Variants in ARHGAP21 observed in about 807,000 individuals in gnomAD.
ARHGAP21 encodes the protein rho GTPase-activating protein 21.
Under a neutral mutation model 164.6 loss-of-function variants are expected in ARHGAP21, and 38 were observed. The ratio of observed to expected loss-of-function variants is 0.23; its 90% CI spans 0.18 to 0.30. The LOEUF (loss-of-function observed/expected upper bound fraction) is 0.30, where lower values mean the gene tolerates loss of function less well. ARHGAP21 is among the 10% of genes least tolerant of loss of function. ARHGAP21 has a pLI of 1.00. For missense variants in ARHGAP21, 1,822 were observed against 2,370.7 expected, an observed-to-expected ratio of 0.77 and a Z score of 4.81; for synonymous variants, 766 against 857.9, an observed-to-expected ratio of 0.89 and a Z score of 1.87.
chr10:24,618,104 C>T (rs1296456669), intron 9 of ARHGAP21, among the ~76,000 whole-genome samples: 2 of 152,140 alleles, frequency 1.3e-5, no homozygotes, highest in Non-Finnish European at 2.9e-5. Context: ...CCTTAAATTT[C>T]TCACTTATAA....
chr10:24,656,529 C>T (rs1838972047), intron 4 of ARHGAP21, among the ~76,000 whole-genome samples: 2 of 93,778 alleles, frequency 2.1e-5, no homozygotes, highest in South Asian at 4.1e-4. Context: ...GGGGGTCAGC[C>T]CCCCGCCCGG....
intron 4 of ARHGAP21, among the ~76,000 whole-genome samples, chr10:24,664,394 A>C (rs569433595): frequency 6.6e-6 from 1 of 152,132 alleles, no homozygotes; most frequent in East Asian, 1.9e-4. Context: ...GTTTCTACTA[A>C]AAATACAAAA....
chr10:24,605,203 CAG>C (rs1186739026), intron 11 of ARHGAP21, among the ~76,000 whole-genome samples: 2 of 152,112 alleles, frequency 1.3e-5, no homozygotes, highest in Admixed American at 1.3e-4. Flanking sequence ...GAAGAAAGAA[CAG>C]GGCACCGATC....
chr10:24,721,986 G>C lies in ARHGAP21; in HGVS notation c.-87C>G. 2.8e-6 allele frequency: 4 copies of C among 1,411,492 alleles called. No individual in the cohort carries two copies. The highest frequency in any genetic ancestry group is 4.0e-6 in the Non-Finnish European group (4 of 1,006,960). The allele number at this position is 1,411,492 out of a possible 1,614,324, so 87.4% of individuals were successfully genotyped here. A position where few individuals can be genotyped will look rare whatever the true frequency, so the allele number is the denominator to read the frequency against. On this transcript the variant is annotated 5_prime_UTR_variant, in exon 2 of 26. Coordinates refer to ENST00000396432, the MANE Select transcript of ARHGAP21 (RefSeq NM_020824.4). ...ATGCCACCACACACCCGAAGGGGAA[G>C]AATTCCACAAGCAGGCTCCGAGGAG... is the stretch of plus-strand genomic sequence containing the variant.
chr10:24,584,384 T>C lies in ARHGAP21; in HGVS notation c.*28A>G. The C allele has an allele frequency of 1.3e-6, 2 of 1,537,384 alleles. No homozygotes were observed. Among genetic ancestry groups the C allele is most frequent in the Non-Finnish European group, 1.7e-6 (2 of 1,145,820 alleles). ...CTGGAACGTGTAACAGTAGTTTTTT[T>C]ACTTGCTAGAGTGGACATACCCCCA... On this transcript the variant is annotated 3_prime_UTR_variant, in exon 26 of 26. Transcript: ENST00000396432.
chr10:24,639,253 AGTTT>A (rs1836726050), intron 4 of ARHGAP21, among the ~76,000 whole-genome samples: 1 of 152,210 alleles, frequency 6.6e-6, no homozygotes, highest in South Asian at 2.1e-4. Flanking sequence ...CTGAAATTCA[AGTTT>A]AATTGAGCAT....
rs529188875 is a variant in ARHGAP21 at position 24,635,171 on chromosome 10, T to C, written c.269-68A>G. 12 of 996,864 alleles carry C rather than the reference T, an allele frequency of 1.2e-5. No homozygotes were observed. The South Asian group carries it at 1.4e-4, about 12-fold the overall frequency. The allele number at this position is 996,864 out of a possible 1,614,324, so 61.8% of individuals were successfully genotyped here. A position where few individuals can be genotyped will look rare whatever the true frequency, so the allele number is the denominator to read the frequency against. Reference sequence around the variant, plus strand: ...TTTACTAAAATACCTAAATATAAAATAGTATTTGAGAGAATTAAGCAAAGC... The same window carrying C: ...TTTACTAAAATACCTAAATATAAAACAGTATTTGAGAGAATTAAGCAAAGC... On this transcript the variant is annotated intron_variant, in intron 4 of 25. Coordinates refer to ENST00000396432, the MANE Select transcript of ARHGAP21 (RefSeq NM_020824.4).
chr10:24,586,167 A>G lies in ARHGAP21; in HGVS notation c.4183-61T>C, dbSNP rs79373954. 1.1e-3 allele frequency: 1,569 copies of G among 1,481,320 alleles called. 18 individuals are homozygous for G. In the African/African-American group the frequency reaches 0.02, roughly 19 times the overall value. 91.8% of individuals were successfully genotyped at this position (1,481,320 alleles called of 1,614,324 possible). A position where few individuals can be genotyped will look rare whatever the true frequency, so the allele number is the denominator to read the frequency against. On this transcript the variant is annotated intron_variant, in intron 25 of 25. Transcript: ENST00000396432. Reference sequence around the variant, plus strand: ...AGAATGCAGCTGAGTTCATTTTCTGACAAGCTTGTCTCCCAAATATTTCTT... The same window carrying G: ...AGAATGCAGCTGAGTTCATTTTCTGGCAAGCTTGTCTCCCAAATATTTCTT...
At chr10:24,693,779 T>C (rs1329402464) in intron 2 of ARHGAP21, among the ~76,000 whole-genome samples, 1 of 152,206 alleles carries the variant, frequency 6.6e-6, no homozygotes, top group Non-Finnish European at 1.5e-5. Context: ...CTCTGTCTCA[T>C]CTTAGGGGTT....
At chr10:24,677,382 A>G (rs935952093) in intron 2 of ARHGAP21, among the ~76,000 whole-genome samples, 14 of 152,242 alleles carry the variant, frequency 9.2e-5, no homozygotes, top group African/African-American at 2.9e-4. Context: ...ATAATGGAGC[A>G]TTGGAAAAAA....
intron 7 of ARHGAP21, chr10:24,628,950 C>CTATATATATATATATATAT (rs1565054194): frequency 1.9e-5 from 1 of 53,550 alleles, no homozygotes; most frequent in Non-Finnish European, 3.2e-5. Flanking sequence ...TACACACACA[C>CTATATATATATATATATAT]ACTATATATA....
chr10:24,660,680 A>G (rs1356294822), intron 4 of ARHGAP21, among the ~76,000 whole-genome samples: 1 of 152,196 alleles, frequency 6.6e-6, no homozygotes, highest in East Asian at 1.9e-4. Flanking sequence ...CTCTGATATT[A>G]TATCTGATTT....
At chr10:24,587,579 T>A (rs2130709928) in intron 25 of ARHGAP21, among the ~76,000 whole-genome samples, 1 of 152,344 alleles carries the variant, frequency 6.6e-6, no homozygotes, top group Admixed American at 6.5e-5. Flanking sequence ...TTCATAATTA[T>A]CCAGCACATT....
At chr10:24,622,624 G>C in intron 8 of ARHGAP21, 109 bp downstream of exon 8, 1 of 1,145,514 alleles carries the variant, frequency 8.7e-7, no homozygotes, top group Non-Finnish European at 1.2e-6. Flanking sequence ...TAACACGATA[G>C]AGGGATTTCT....
intron 2 of ARHGAP21, among the ~76,000 whole-genome samples, chr10:24,711,880 A>T (rs1338141015): frequency 6.6e-6 from 1 of 151,908 alleles, no homozygotes; most frequent in Non-Finnish European, 1.5e-5. Flanking sequence ...TGTGGGCATG[A>T]CCTTATTTTG....
At chr10:24,588,903 G>A (rs575094532) in intron 25 of ARHGAP21, among the ~76,000 whole-genome samples, 1 of 152,302 alleles carries the variant, frequency 6.6e-6, no homozygotes, top group South Asian at 2.1e-4. Context: ...AGCAGGTGGC[G>A]TACAGAGCAA....
At chr10:24,671,884 A>ATTTTTTT (rs35692163) in intron 2 of ARHGAP21, among the ~76,000 whole-genome samples, 2 of 82,494 alleles carry the variant, frequency 2.4e-5, no homozygotes, top group Admixed American at 1.5e-4. Context: ...CATCAAGCTA[A>ATTTTTTT]TTTTTTTTTT....
intron 2 of ARHGAP21, among the ~76,000 whole-genome samples, chr10:24,697,135 G>A (rs759438278): frequency 7.2e-5 from 11 of 152,098 alleles, no homozygotes; most frequent in Non-Finnish European, 1.2e-4. Context: ...CCCTTCCCTG[G>A]CTCTCATCCA....
intron 4 of ARHGAP21, among the ~76,000 whole-genome samples, chr10:24,664,782 C>A (rs1044599065): frequency 6.6e-6 from 1 of 152,044 alleles, no homozygotes; most frequent in Non-Finnish European, 1.5e-5. Flanking sequence ...TCTTCTCCAG[C>A]AGATTATACC....
Sources: allele counts gnomAD v4.1 joint callset (sites outside exome capture counted in the v4.1 genomes callset), GRCh38; gene constraint gnomAD v4.1.1; transcripts MANE v1.5; gene names NCBI Gene and HGNC (gene_info 2026-07-23, HGNC 2026-07-21).